The following NLRP1 variants were observed in gnomAD, a reference collection of about 807,000 sequenced individuals.
NLRP1 encodes the protein NLR family pyrin domain containing 1.
A neutral mutation model predicts 136.7 loss-of-function variants in NLRP1; 94 were observed. The ratio of observed to expected loss-of-function variants is 0.69; its 90% confidence interval spans 0.58 to 0.82. NLRP1 has a LOEUF of 0.82. Among genes scored for constraint, NLRP1 ranks in the 40% least tolerant of loss-of-function variants. The probability of loss-of-function intolerance (pLI) is 0.00; values close to 1 mark genes in which losing one functional copy is unlikely to be tolerated. For missense variants in NLRP1, 1,575 were observed against 1,802.7 expected, an observed-to-expected ratio of 0.87 and a Z score of 2.29; for synonymous variants, 690 against 725.1, an observed-to-expected ratio of 0.95 and a Z score of 0.78.
At chr17:5,512,608 A>T, downstream of NLRP1, 1 of 473,886 alleles carries the variant, frequency 2.1e-6, no homozygotes, top group East Asian at 3.4e-5. Context: ...GAAGGACCCG[A>T]AAGACAAGGC....
intron 6 of NLRP1, among the ~76,000 whole-genome samples, chr17:5,539,892 GTCTA>G (rs1911639455): frequency 6.6e-6 from 1 of 152,122 alleles, no homozygotes; most frequent in Admixed American, 6.5e-5. Flanking sequence ...GTACACCTGG[GTCTA>G]TCTGTTTTCT....
intron 14 of NLRP1, chr17:5,518,113 G>C (rs1390952702): frequency 8.1e-6 from 4 of 492,360 alleles, no homozygotes; most frequent in Non-Finnish European, 1.1e-5. Context: ...CTTAAACGTA[G>C]TGCTCATAAT....
chr17:5,520,533 CA>C (rs1908760989), intron 14 of NLRP1, among the ~76,000 whole-genome samples: 1 of 152,148 alleles, frequency 6.6e-6, no homozygotes, highest in Admixed American at 6.5e-5. Flanking sequence ...CATGGTTCCC[CA>C]TAATATGTGT....
chr17:5,577,620 A>C (rs1905148570), intron 3 of NLRP1, among the ~76,000 whole-genome samples: 1 of 152,226 alleles, frequency 6.6e-6, no homozygotes. Flanking sequence ...GGACACAAAC[A>C]AATGGAAGAA....
At chr17:5,525,306 A>T (rs1038089062) in intron 12 of NLRP1, among the ~76,000 whole-genome samples, 2 of 152,258 alleles carry the variant, frequency 1.3e-5, no homozygotes, top group Admixed American at 1.3e-4. Context: ...TTGTGGCCCA[A>T]TGGGGAATAC....
chr17:5,545,124 C>G (rs1351700087), intron 5 of NLRP1, among the ~76,000 whole-genome samples: 1 of 152,092 alleles, frequency 6.6e-6, no homozygotes, highest in East Asian at 1.9e-4. Flanking sequence ...CCTATCCAGC[C>G]AGGAATTTAA....
chr17:5,578,926 C>T (rs1320466695), intron 3 of NLRP1, among the ~76,000 whole-genome samples: 1 of 152,156 alleles, frequency 6.6e-6, no homozygotes, highest in South Asian at 2.1e-4. Context: ...GAATACTATG[C>T]AGCCATAAAA....
At chr17:5,550,118 A>T (rs1283212821) in intron 5 of NLRP1, among the ~76,000 whole-genome samples, 1 of 145,970 alleles carries the variant, frequency 6.9e-6, no homozygotes, top group African/African-American at 2.5e-5. Context: ...ATATATATTC[A>T]TAAAGGATGT....
At chr17:5,557,935 C>T (rs1394732955) in intron 4 of NLRP1, among the ~76,000 whole-genome samples, 1 of 152,064 alleles carries the variant, frequency 6.6e-6, no homozygotes, top group Non-Finnish European at 1.5e-5. Context: ...GCTGGAGGAG[C>T]AATTTCTCCG....
chr17:5,567,192 C>G (rs1031924263), intron 3 of NLRP1, among the ~76,000 whole-genome samples: 3 of 151,918 alleles, frequency 2.0e-5, no homozygotes, highest in African/African-American at 7.2e-5. Context: ...AGGACTTACT[C>G]TTGCCATTTT....
chr17:5,517,823 T>A lies in NLRP1; in HGVS notation c.3980A>T (p.His1327Leu). The change falls in exon 15 of 17, where the codon CAC becomes CTC. Residue 1327 changes from histidine (H) to leucine (L), a missense_variant. By Grantham distance (99) the His-to-Leu change is moderately conservative. Coordinates refer to ENST00000572272, the MANE Select transcript of NLRP1 (RefSeq NM_033004.4). ...TTGCAGCCTGATCCCTGATCCCAAG[T>A]GGCCAACGTAGAACTCCGAGAACAG... ...DQLFSEFYVG[H>L]LGSGIRLQVK... The A allele has an allele frequency of 6.2e-7, 1 of 1,614,212 alleles. No homozygotes were observed. Among genetic ancestry groups the A allele is most frequent in the Non-Finnish European group, 8.5e-7 (1 of 1,180,026 alleles).
intron 5 of NLRP1, 88 bp downstream of exon 5, chr17:5,553,298 C>T (rs1413013757): frequency 8.0e-7 from 1 of 1,249,856 alleles, no homozygotes; most frequent in Non-Finnish European, 1.1e-6. Context: ...TTGATAAATA[C>T]AAAGACAAAT....
chr17:5,533,719 G>A (rs925610812), intron 9 of NLRP1, among the ~76,000 whole-genome samples, 178 bp downstream of exon 9: 2 of 151,966 alleles, frequency 1.3e-5, no homozygotes, highest in Admixed American at 6.6e-5. Context: ...CGGAGAGAGG[G>A]TAACGGAAAT....
At chr17:5,573,014 C>T (rs571261783) in intron 3 of NLRP1, among the ~76,000 whole-genome samples, 2 of 152,258 alleles carry the variant, frequency 1.3e-5, no homozygotes, top group Admixed American at 6.5e-5. Flanking sequence ...CAAAGCAGGG[C>T]GAGGCATTGC....
At chr17:5,580,268 A>C (rs1244702796) in intron 3 of NLRP1, among the ~76,000 whole-genome samples, 1 of 151,966 alleles carries the variant, frequency 6.6e-6, no homozygotes, top group Non-Finnish European at 1.5e-5. Context: ...AAAAACAACA[A>C]ACAAAAAACA....
Position 5,541,975 on chromosome 17 carries a change from GC to G in NLRP1, c.2580del (p.Leu861Ter). The G allele has an allele frequency of 1.9e-6, 3 of 1,614,076 alleles. No homozygotes were observed. The highest frequency in any genetic ancestry group is 8.5e-7 in the Non-Finnish European group (1 of 1,179,990). ...TAEDCKDLAF[G>X]LRANQTLTEL... ...TCGGTCAGGGTCTGGTTGGCTCTCA[GC>G]CCAAAGGCAAGGTCCTTGCAGTCCT... is the stretch of plus-strand genomic sequence containing the variant. On this transcript the variant is annotated frameshift_variant, in exon 6 of 17. Transcript: ENST00000572272. LOFTEE classifies it high-confidence loss of function. This position sits in a 1 kb window ranked among gnomAD's most constrained non-coding sequence, Gnocchi z 4.2.
Position 5,547,424 on chromosome 17 carries a change from T to C in NLRP1, c.2529-5397A>G, listed in dbSNP as rs117817407. Among the ~76,000 whole-genome samples the C allele has an allele frequency of 1.2e-4, 18 of 152,324 alleles. No individual in the cohort carries two copies. In the East Asian group the frequency reaches 3.3e-3, roughly 28 times the overall value. On this transcript the variant is annotated intron_variant, in intron 5 of 16. Transcript: ENST00000572272. The stretch of plus-strand genomic sequence containing the variant: ...CCCATAGTTTTCAATCTGTAACCGT[T>C]AGAGGCAAGATTTGAACCTGTGTGT...
chr17:5,574,748 G>A (rs528004347), intron 3 of NLRP1, among the ~76,000 whole-genome samples: 2 of 146,992 alleles, frequency 1.4e-5, no homozygotes, highest in Non-Finnish European at 3.0e-5. Context: ...TGCAAGCTCC[G>A]CCTCCCAGGT....
chr17:5,542,546 G>T (rs71368560), intron 5 of NLRP1, among the ~76,000 whole-genome samples: 21 of 152,128 alleles, frequency 1.4e-4, no homozygotes, highest in African/African-American at 4.8e-4. Flanking sequence ...ATCTTGCCTC[G>T]TCTCTCCACT....
Sources: gnomAD v4.1 joint callset for allele counts (sites outside exome capture counted in the v4.1 genomes callset) on GRCh38, gnomAD v4.1.1 for gene constraint, Gnocchi (gnomAD v3.1) non-coding constraint, MANE v1.5 for transcripts, NCBI Gene and HGNC (gene_info 2026-07-23, HGNC 2026-07-21) for gene names.